The following BAG5 variants were observed in gnomAD, a reference collection of about 807,000 sequenced individuals.
The protein encoded by BAG5 is BAG cochaperone 5, also known as BAG family molecular chaperone regulator 5.
BAG5 carries 25 observed loss-of-function variants against 31.8 expected under a neutral mutation model. The ratio of observed to expected loss-of-function variants is 0.79; its 90% CI spans 0.57 to 1.10. The LOEUF (loss-of-function observed/expected upper bound fraction) is 1.10. Ranked by LOEUF, BAG5 falls within the 50% of genes least tolerant of loss-of-function variation. BAG5 has a pLI of 0.00. For synonymous variants in BAG5, 208 were observed against 205.0 expected (o/e 1.01, Z -0.13); for missense variants, 491 against 527.9 (o/e 0.93, Z 0.68).
At chr14:103,562,261 G>A in intron 1 of BAG5, 1 of 482,530 alleles carries the variant, frequency 2.1e-6, no homozygotes, top group South Asian at 2.4e-5. Context: ...TGAAGGGGCC[G>A]CTACTGGCTG....
rs1159446304 is a variant in BAG5 at position 103,561,123 on chromosome 14, C to T, written c.42G>A (p.Gln14=). The T allele has an allele frequency of 1.2e-6, 2 of 1,602,548 alleles. No individual in the cohort carries two copies. Among genetic ancestry groups the T allele is most frequent in the Non-Finnish European group, 1.7e-6 (2 of 1,179,962 alleles). Residue 14 remains glutamine, a synonymous_variant, in exon 2 of 2, where the codon CAG becomes CAA. Transcript: ENST00000299204. ...CACTTTTTACTTCCTTTTGGATTTC[C>T]TGAAGCCTACTAATAGAAGGATGTT... ...GNQHPSISRL[Q]EIQKEVKSVE... is the part of the protein sequence containing the mutation.
chr14:103,557,086 G>A lies in BAG5; in HGVS notation c.*2735C>T, dbSNP rs896219516. 2.0e-5 allele frequency: 3 copies of A among 152,170 alleles called. No homozygotes were observed. Among genetic ancestry groups the A allele is most frequent in the Non-Finnish European group, 2.9e-5 (2 of 68,034 alleles). 9.4% of individuals were successfully genotyped at this position (152,170 alleles called of 1,614,324 possible). A position where few individuals can be genotyped will look rare whatever the true frequency, so the allele number is the denominator to read the frequency against. On this transcript the variant is annotated 3_prime_UTR_variant, in exon 2 of 2. Coordinates refer to ENST00000299204, the MANE Select transcript of BAG5 (RefSeq NM_001015048.3). ...CTGACTGAATGTAAATAAAGCAAAC[G>A]TTCCCAGCCATTTTTGGCATGAACA...
chr14:103,561,940 A>C (rs748046116), intron 1 of BAG5: 12 of 1,613,120 alleles, frequency 7.4e-6, no homozygotes, highest in Non-Finnish European at 1.0e-5. Flanking sequence ...CAATGGCCTA[A>C]TGCACGTTTC....
rs1201490813 is a variant in BAG5, at chr14:103,558,058, G to A, written c.*1763C>T. ...CATTCTAAAATTATGATACAGAAAA[G>A]CAATCCTACAACTACTGTGGCCAAA... On this transcript the variant is annotated 3_prime_UTR_variant, in exon 2 of 2. Transcript: ENST00000299204. The A allele has an allele frequency of 1.3e-5, 2 of 152,164 alleles. No homozygotes were observed. Among genetic ancestry groups the A allele is most frequent in the African/African-American group, 4.8e-5 (2 of 41,438 alleles). 9.4% of individuals were successfully genotyped at this position (152,164 alleles called of 1,614,324 possible). A position where few individuals can be genotyped will look rare whatever the true frequency, so the allele number is the denominator to read the frequency against.
rs2076059006 is a variant in BAG5 at position 103,559,866 on chromosome 14, AT to A, written c.1298del (p.Asn433IlefsTer8). ...ATTTCAGGTCGAGATAGCTGAGAAT[AT>A]TCTGCGCAAGCCTCACAGCTTGTTT... ...ARKQAVRLAQNILSYLDLKSD... is the reference protein window; with the variant it reads ...ARKQAVRLAQXILSYLDLKSD... On this transcript the variant is annotated frameshift_variant, in exon 2 of 2. Coordinates refer to ENST00000299204, the MANE Select transcript of BAG5 (RefSeq NM_001015048.3). LOFTEE classifies it high-confidence loss of function. 6.2e-7 allele frequency: 1 copy of A among 1,614,002 alleles called. No individual in the cohort carries two copies. Among genetic ancestry groups the A allele is most frequent in the African/African-American group, 1.3e-5 (1 of 74,948 alleles).
rs1325083586 is a variant in BAG5 at position 103,562,206 on chromosome 14, G to A, written c.-29+410C>T. 5 of 588,970 alleles carry A rather than the reference G, an allele frequency of 8.5e-6. No homozygotes were observed. The African/African-American group carries it at 9.3e-5, about 11-fold the overall frequency. 36.5% of individuals were successfully genotyped at this position (588,970 alleles called of 1,614,324 possible). On this transcript the variant is annotated intron_variant, in intron 1 of 1. Transcript: ENST00000299204. ...CGGCACCGGAGCTGGGCCCCCAGCTGCATGCCTCGCACCCCTCCCGACTAG... is the reference window on the plus strand; with the variant it reads ...CGGCACCGGAGCTGGGCCCCCAGCTACATGCCTCGCACCCCTCCCGACTAG...
rs1405413047 is a variant in BAG5, at chr14:103,557,223, A to G, written c.*2598T>C. The G allele has an allele frequency of 6.6e-6, 1 of 152,238 alleles. No homozygotes were observed. The highest frequency in any genetic ancestry group is 1.5e-5 in the Non-Finnish European group (1 of 68,044). 9.4% of individuals were successfully genotyped at this position (152,238 alleles called of 1,614,324 possible). On this transcript the variant is annotated 3_prime_UTR_variant, in exon 2 of 2. Coordinates refer to ENST00000299204, the MANE Select transcript of BAG5 (RefSeq NM_001015048.3). ...TCACAAAAATACAATACAATGTGAC[A>G]AGCCCAGTTTAAGAATTACATGCAG...
chr14:103,561,081 G>C lies in BAG5; in HGVS notation c.84C>G (p.Ile28Met), dbSNP rs1382028093. ...TGTCATCTGACAGACCACTGAAGCC[G>C]ATAACTTGCTGTTCTACACTTTTTA... ...KEVKSVEQQVIGFSGLSDDKN... is the reference protein window; with the variant it reads ...KEVKSVEQQVMGFSGLSDDKN... The change falls in exon 2 of 2, where the codon ATC (isoleucine) becomes ATG (methionine). Residue 28 changes from isoleucine (I) to methionine (M), a missense_variant. Transcript: ENST00000299204. 1 of 1,610,220 alleles carries C rather than the reference G, an allele frequency of 6.2e-7. No individual in the cohort carries two copies. Among genetic ancestry groups the C allele is most frequent in the Non-Finnish European group, 8.5e-7 (1 of 1,180,022 alleles).
rs1566971244 is a variant in BAG5, at chr14:103,556,832, C to T, written c.*2989G>A. On this transcript the variant is annotated 3_prime_UTR_variant, in exon 2 of 2. Transcript: ENST00000299204. ...AAAAAAACCCAAAACCTTGCATGCA[C>T]AAGCTAAGCTCAGACCCTTAAAAAC... 6.6e-6 allele frequency: 1 copy of T among 151,974 alleles called. No homozygotes were observed. Among genetic ancestry groups the T allele is most frequent in the African/African-American group, 2.4e-5 (1 of 41,388 alleles). The allele number at this position is 151,974 out of a possible 1,614,324, so 9.4% of individuals were successfully genotyped here. A position where few individuals can be genotyped will look rare whatever the true frequency, so the allele number is the denominator to read the frequency against.
Position 103,560,244 on chromosome 14 carries a change from T to G in BAG5, c.921A>C (p.Lys307Asn). The change falls in exon 2 of 2, where the codon AAA (lysine) becomes AAC (asparagine). Residue 307 changes from lysine to asparagine, a missense_variant. By Grantham distance (94) the Lys-to-Asn change is moderately conservative. Coordinates refer to ENST00000299204, the MANE Select transcript of BAG5 (RefSeq NM_001015048.3). ...QNPSELYLSSKTELQGLIGQL... is the reference protein window; with the variant it reads ...QNPSELYLSSNTELQGLIGQL... ...GTCCAATTAAACCCTGCAATTCTGT[T>G]TTGGAGCTCAGGTACAATTCAGAAG... The G allele has an allele frequency of 1.9e-6, 3 of 1,614,166 alleles. No homozygotes were observed. The South Asian group carries it at 3.3e-5, about 18-fold the overall frequency.
chr14:103,562,178 G>A (rs1041666108), intron 1 of BAG5: 1 of 611,926 alleles, frequency 1.6e-6, no homozygotes, highest in East Asian at 2.8e-5. Context: ...CCTTTACGGG[G>A]TGCGGCACCG....
In BAG5 at chr14:103,558,306, G is replaced by A. The variant is rs1460484590; in HGVS notation, c.*1515C>T. ...AGGGCTATGCTTCTGTCATCTTTTA[G>A]GTATTTAAGGCTACTCCTTTAGCTA... is the stretch of plus-strand genomic sequence containing the variant. On this transcript the variant is annotated 3_prime_UTR_variant, in exon 2 of 2. Transcript: ENST00000299204. The A allele has an allele frequency of 1.3e-5, 2 of 152,200 alleles. No homozygotes were observed. Among genetic ancestry groups the A allele is most frequent in the African/African-American group, 4.8e-5 (2 of 41,444 alleles). 9.4% of individuals were successfully genotyped at this position (152,200 alleles called of 1,614,324 possible). A position where few individuals can be genotyped will look rare whatever the true frequency, so the allele number is the denominator to read the frequency against.
rs1382028093 is a variant in BAG5 at position 103,561,081 on chromosome 14, G to A, written c.84C>T (p.Ile28=). Reference sequence around the variant, plus strand: ...TGTCATCTGACAGACCACTGAAGCCGATAACTTGCTGTTCTACACTTTTTA... The same window carrying A: ...TGTCATCTGACAGACCACTGAAGCCAATAACTTGCTGTTCTACACTTTTTA... ...KEVKSVEQQV[I]GFSGLSDDKN... The change falls in exon 2 of 2, where the codon ATC becomes ATT. Residue 28 remains isoleucine, a synonymous_variant. Transcript: ENST00000299204. 6 of 1,610,102 alleles carry A rather than the reference G, an allele frequency of 3.7e-6. No homozygotes were observed. The highest frequency in any genetic ancestry group is 5.1e-6 in the Non-Finnish European group (6 of 1,180,030).
chr14:103,560,565 C>T lies in BAG5; in HGVS notation c.600G>A (p.Leu200=), dbSNP rs2076064911. The change falls in exon 2 of 2, where the codon CTG becomes CTA. Residue 200 remains leucine, a synonymous_variant. Coordinates refer to ENST00000299204, the MANE Select transcript of BAG5 (RefSeq NM_001015048.3). ...MCEVNKARGV[L]IALLMGVNNN... ...TGTTCACACCCATCAGAAGTGCAATCAGGACCCCTCGGGCCTTGTTCACCT... is the reference window on the plus strand; with the variant it reads ...TGTTCACACCCATCAGAAGTGCAATTAGGACCCCTCGGGCCTTGTTCACCT... The T allele has an allele frequency of 4.3e-6, 7 of 1,614,124 alleles. No homozygotes were observed. The highest frequency in any genetic ancestry group is 5.1e-6 in the Non-Finnish European group (6 of 1,180,016).
Position 103,560,934 on chromosome 14 carries a change from A to T in BAG5, c.231T>A (p.Arg77=). 1 of 1,614,146 alleles carries T rather than the reference A, an allele frequency of 6.2e-7. No individual in the cohort carries two copies. Among genetic ancestry groups the T allele is most frequent in the Non-Finnish European group, 8.5e-7 (1 of 1,180,038 alleles). Residue 77 remains arginine (R), a synonymous_variant, in exon 2 of 2, where the codon CGT becomes CGA. Transcript: ENST00000299204. The part of the protein sequence containing the change: ...ARKRAAQETE[R]LLKELEQNAN... ...CATTCTGCTCCAACTCTTTGAGAAG[A>T]CGTTCTGTCTCCTGTGCTGCCCGCT...
In BAG5 at chr14:103,559,923, C is replaced by T. The variant is rs775357900; in HGVS notation, c.1242G>A (p.Pro414=). ...CAGCCTTACACTTCTCTTCTCCCTG[C>T]GGATCAACAGCATCCAGGGCTAGCA... is the stretch of plus-strand genomic sequence containing the variant. ...KQLLALDAVD[P]QGEEKCKAAR... Residue 414 remains proline, a synonymous_variant, in exon 2 of 2, where the codon CCG becomes CCA. Transcript: ENST00000299204. The T allele has an allele frequency of 8.7e-6, 14 of 1,614,216 alleles. No individual in the cohort carries two copies. The South Asian group carries it at 1.1e-4, about 13-fold the overall frequency.
chr14:103,562,454 G>C, intron 1 of BAG5, 162 bp downstream of exon 1: 1 of 197,336 alleles, frequency 5.1e-6, no homozygotes, highest in East Asian at 1.6e-4. Context: ...CGACCCCAGG[G>C]GCGGGGACAG....
rs923336906 is a variant in BAG5 at position 103,556,892 on chromosome 14, A to G, written c.*2929T>C. On this transcript the variant is annotated 3_prime_UTR_variant, in exon 2 of 2. Transcript: ENST00000299204. ...ATTGACAAAGTCAAACAAAGGAGAA[A>G]AACTAGCTGAACTTCTCAAACTAAA... 6.6e-6 allele frequency: 1 copy of G among 152,246 alleles called. No homozygotes were observed. Among genetic ancestry groups the G allele is most frequent in the Non-Finnish European group, 1.5e-5 (1 of 68,048 alleles). The allele number at this position is 152,246 out of a possible 1,614,324, so 9.4% of individuals were successfully genotyped here.
At position 103,561,653 on chromosome 14, in the gene BAG5, G is replaced by A. The variant is rs140682113; in HGVS notation, c.-28-461C>T. The A allele has an allele frequency of 2.9e-4, 141 of 483,530 alleles. 2 individuals carry two copies. Among genetic ancestry groups the A allele is most frequent in the African/African-American group, 2.4e-3 (125 of 51,384 alleles). The allele number at this position is 483,530 out of a possible 1,614,324, so 30.0% of individuals were successfully genotyped here. On this transcript the variant is annotated intron_variant, in intron 1 of 1. Coordinates refer to ENST00000299204, the MANE Select transcript of BAG5 (RefSeq NM_001015048.3). ...CCAGTGGCTCTCAGACATCCCCAAG[G>A]TCCCCGCTTCTTCGTTTCTCTCCAT... is the stretch of plus-strand genomic sequence containing the variant.
Sources: gnomAD v4.1 joint callset for allele counts on GRCh38, gnomAD v4.1.1 for gene constraint, MANE v1.5 for transcripts, NCBI Gene and HGNC (gene_info 2026-07-23, HGNC 2026-07-21) for gene names.